The following GLIS3 variants were observed in gnomAD, a reference collection of about 807,000 sequenced individuals.
The protein encoded by GLIS3 is GLIS family zinc finger 3.
GLIS3 carries 53 observed loss-of-function variants against 78.6 expected under a neutral mutation model. The ratio of observed to expected loss-of-function variants is 0.67; its 90% CI spans 0.54 to 0.85. The LOEUF (loss-of-function observed/expected upper bound fraction) is 0.85. Among genes scored for constraint, GLIS3 ranks in the 40% least tolerant of loss-of-function variants. The probability of loss-of-function intolerance (pLI) is 0.00; values close to 1 mark genes in which losing one functional copy is unlikely to be tolerated. For missense variants in GLIS3, 1,703 were observed against 1,231.1 expected (o/e 1.38, Z -5.74); for synonymous variants, 684 against 509.9 (o/e 1.34, Z -4.60).
At chr9:4,089,391 T>C (rs1251642199) in intron 4 of GLIS3, among the ~76,000 whole-genome samples, 1 of 152,192 alleles carries the variant, frequency 6.6e-6, no homozygotes, top group Non-Finnish European at 1.5e-5. Flanking sequence ...TGTATATGTG[T>C]GTGTATGTTA....
intron 4 of GLIS3, among the ~76,000 whole-genome samples, chr9:4,033,565 A>G (rs1824036997): frequency 6.6e-6 from 1 of 152,130 alleles, no homozygotes; most frequent in Non-Finnish European, 1.5e-5. Flanking sequence ...TACGCTCCTT[A>G]AAGTGTTTTC....
intron 4 of GLIS3, among the ~76,000 whole-genome samples, chr9:4,062,097 C>G (rs1588574938): frequency 6.6e-6 from 1 of 152,270 alleles, no homozygotes; most frequent in East Asian, 1.9e-4. Flanking sequence ...ACTTCCTTGC[C>G]AAATCACACT....
At chr9:4,126,668 G>C (rs903254384) in intron 2 of GLIS3, among the ~76,000 whole-genome samples, 7 of 152,214 alleles carry the variant, frequency 4.6e-5, no homozygotes, top group African/African-American at 1.7e-4. Context: ...TTATGGAAAA[G>C]TGAAAAGCAA....
chr9:4,180,862 C>G (rs1353741383), intron 2 of GLIS3, among the ~76,000 whole-genome samples: 1 of 152,156 alleles, frequency 6.6e-6, no homozygotes, highest in Non-Finnish European at 1.5e-5. Context: ...CCGATCCACC[C>G]AAGCACAGGT....
At chr9:4,308,221 G>A (rs1587376558) in intron 4 of GLIS3, among the ~76,000 whole-genome samples, 1 of 152,090 alleles carries the variant, frequency 6.6e-6, no homozygotes, top group Admixed American at 6.6e-5. Context: ...CAGGCACTGT[G>A]AAGTGAAAGG....
At chr9:3,995,997 A>G (rs1219927815) in intron 4 of GLIS3, among the ~76,000 whole-genome samples, 4 of 152,080 alleles carry the variant, frequency 2.6e-5, no homozygotes, top group African/African-American at 7.2e-5. Flanking sequence ...AAACAAGTTC[A>G]CTGTAGCAAA....
chr9:4,027,546 G>A (rs1823449072), intron 4 of GLIS3, among the ~76,000 whole-genome samples: 1 of 152,092 alleles, frequency 6.6e-6, no homozygotes, highest in South Asian at 2.1e-4. Context: ...GTTAATCTGT[G>A]CATGCATGCC....
chr9:4,419,514 G>C, the GLIS3 span, among the ~76,000 whole-genome samples: 1 of 152,166 alleles, frequency 6.6e-6, no homozygotes, highest in African/African-American at 2.4e-5. Flanking sequence ...CTCTGGCCAG[G>C]TGCGGTGGCT....
rs78125676 is a variant in GLIS3 at position 4,286,603 on chromosome 9, A to G, written c.-98-80T>C. On this transcript the variant is annotated intron_variant, in intron 1 of 10. Transcript: ENST00000381971. Reference sequence around the variant, plus strand: ...CAGTGAGTTTTTCAACCTGTGTATCATTCATAAGGAAGAAAAGCAGCACTC... The same window carrying G: ...CAGTGAGTTTTTCAACCTGTGTATCGTTCATAAGGAAGAAAAGCAGCACTC... 56,215 of 720,068 alleles carry G rather than the reference A, an allele frequency of 0.078. 2,556 individuals are homozygous for G. Among genetic ancestry groups the G allele is most frequent in the African/African-American group, 0.17 (9,620 of 56,804 alleles). 44.6% of individuals were successfully genotyped at this position (720,068 alleles called of 1,614,324 possible). A position where few individuals can be genotyped will look rare whatever the true frequency, so the allele number is the denominator to read the frequency against.
the GLIS3 span, among the ~76,000 whole-genome samples, chr9:4,430,822 T>C: frequency 6.6e-6 from 1 of 152,180 alleles, no homozygotes; most frequent in East Asian, 1.9e-4. Context: ...TTGAGTCACT[T>C]CCAGCATGCC....
At chr9:4,170,075 C>T (rs779767348) in intron 2 of GLIS3, among the ~76,000 whole-genome samples, 3 of 152,100 alleles carry the variant, frequency 2.0e-5, no homozygotes, top group South Asian at 2.1e-4. Flanking sequence ...CTGCCTTAAA[C>T]CATATGGAGA....
At chr9:4,378,440 C>G in the GLIS3 span, among the ~76,000 whole-genome samples, 1 of 151,884 alleles carries the variant, frequency 6.6e-6, no homozygotes. Flanking sequence ...TTTTCTTTCA[C>G]CCTCTCAGTC....
At position 4,299,836 on chromosome 9, in the gene GLIS3, C is replaced by T. The variant is rs146119120; in HGVS notation, c.-514G>A. 275 of 152,564 alleles carry T rather than the reference C, an allele frequency of 1.8e-3. No individual in the cohort carries two copies. The highest frequency in any genetic ancestry group is 3.4e-3 in the Middle Eastern group (1 of 296). 9.5% of individuals were successfully genotyped at this position (152,564 alleles called of 1,614,324 possible). Reference sequence around the variant, plus strand: ...GGGGAATGCTTCTGGGGGCCGACCCCGGGATGCTGGCTAATTGCTGCCGGC... The same window carrying T: ...GGGGAATGCTTCTGGGGGCCGACCCTGGGATGCTGGCTAATTGCTGCCGGC... On this transcript the variant is annotated 5_prime_UTR_variant, in exon 1 of 11. Coordinates refer to ENST00000381971, the MANE Select transcript of GLIS3 (RefSeq NM_001042413.2).
the GLIS3 span, among the ~76,000 whole-genome samples, chr9:4,482,885 C>G: frequency 6.6e-6 from 1 of 151,846 alleles, no homozygotes; most frequent in Non-Finnish European, 1.5e-5. Flanking sequence ...TAAAAACTAG[C>G]CAAAGGTTTA....
At chr9:3,994,329 A>G (rs1820573397) in intron 4 of GLIS3, among the ~76,000 whole-genome samples, 1 of 152,222 alleles carries the variant, frequency 6.6e-6, no homozygotes, top group Non-Finnish European at 1.5e-5. Flanking sequence ...GAACGGGCAC[A>G]GCTGCCCTCT....
intron 2 of GLIS3, among the ~76,000 whole-genome samples, chr9:4,194,371 T>A (rs1157726467): frequency 6.6e-6 from 1 of 152,210 alleles, no homozygotes; most frequent in African/African-American, 2.4e-5. Context: ...GCCACTTTAT[T>A]TTTTTAAAAG....
At chr9:4,033,862 G>GAGAAAAAA in intron 4 of GLIS3, among the ~76,000 whole-genome samples, 1 of 9,278 alleles carries the variant, frequency 1.1e-4, no homozygotes, top group East Asian at 7.9e-3. Flanking sequence ...ATAGGCGAAG[G>GAGAAAAAA]ATAAAAAAAA....
chr9:4,047,837 T>C (rs1322282670), intron 4 of GLIS3, among the ~76,000 whole-genome samples: 1 of 152,198 alleles, frequency 6.6e-6, no homozygotes, highest in Non-Finnish European at 1.5e-5. Context: ...TCTGTCTGCT[T>C]TTTCGGTTAC....
chr9:4,178,417 C>T (rs1016840419), intron 2 of GLIS3, among the ~76,000 whole-genome samples: 5 of 152,102 alleles, frequency 3.3e-5, no homozygotes, highest in Non-Finnish European at 5.9e-5. Context: ...AGATGTGACT[C>T]TTATGGCAAT....
Sources: allele counts gnomAD v4.1 joint callset (sites outside exome capture counted in the v4.1 genomes callset), GRCh38; gene constraint gnomAD v4.1.1; transcripts MANE v1.5; gene names NCBI Gene and HGNC (gene_info 2026-07-23, HGNC 2026-07-21).